OR6N1: variants seen among roughly 807,000 people sequenced by gnomAD.
OR6N1 encodes olfactory receptor 6N1.
For synonymous variants in OR6N1, 170 were observed against 150.7 expected (o/e 1.13, Z -0.94); for missense variants, 394 against 371.7 (o/e 1.06, Z -0.49).
At chr1:158,838,584 G>A in the OR6N1 span, among the ~76,000 whole-genome samples, 1 of 152,016 alleles carries the variant, frequency 6.6e-6, no homozygotes, top group Non-Finnish European at 1.5e-5. Flanking sequence ...GTTTATCATA[G>A]TTGCAGCTTG....
In OR6N1 at chr1:158,765,807, C is replaced by T. The variant is rs777937253; in HGVS notation, c.876G>A (p.Leu292=). Residue 292 remains leucine, a synonymous_variant, in exon 2 of 2, where the codon TTG becomes TTA. Coordinates refer to ENST00000641846, the MANE Select transcript of OR6N1 (RefSeq NM_001005185.2). ...TPFLNPFIYS[L]RNKEIKEAVR... is the part of the protein sequence containing the mutation. ...CAGCCTCCTTGATCTCCTTGTTGCG[C>T]AAGCTGTAGATGAAGGGGTTGAGGA... 1.9e-6 allele frequency: 3 copies of T among 1,614,148 alleles called. No homozygotes were observed. Among genetic ancestry groups the T allele is most frequent in the Non-Finnish European group, 1.7e-6 (2 of 1,180,010 alleles).
chr1:158,780,014 T>C, the OR6N1 span, among the ~76,000 whole-genome samples: 97,897 of 152,034 alleles, frequency 0.64, 32,098 homozygotes, highest in African/African-American at 0.78. Flanking sequence ...ATGTTTTATT[T>C]TAGCCTAAAT....
At chr1:158,832,239 A>G in the OR6N1 span, among the ~76,000 whole-genome samples, 2 of 152,042 alleles carry the variant, frequency 1.3e-5, no homozygotes, top group Admixed American at 6.5e-5. Context: ...TGACTTTTTT[A>G]TGGCTTTGTA....
the OR6N1 span, among the ~76,000 whole-genome samples, chr1:158,791,747 C>A: frequency 6.6e-6 from 1 of 152,250 alleles, no homozygotes; most frequent in Admixed American, 6.5e-5. Context: ...GGATTACAGG[C>A]GTGAGCCACA....
At chr1:158,780,523 A>T in the OR6N1 span, among the ~76,000 whole-genome samples, 1 of 152,222 alleles carries the variant, frequency 6.6e-6, no homozygotes, top group Non-Finnish European at 1.5e-5. Context: ...CATAATGAAG[A>T]TAAGCTGAAA....
chr1:158,776,640 T>G, upstream of OR6N1: 1 of 1,213,228 alleles, frequency 8.2e-7, no homozygotes, highest in South Asian at 1.5e-5. Flanking sequence ...AAGGAACTTT[T>G]ATGAATTGAA....
At chr1:158,797,139 G>A in the OR6N1 span, among the ~76,000 whole-genome samples, 1 of 152,180 alleles carries the variant, frequency 6.6e-6, no homozygotes, top group Admixed American at 6.5e-5. Flanking sequence ...GAGTTTCCCA[G>A]GCTGGGGATG....
At chr1:158,829,984 A>T in the OR6N1 span, among the ~76,000 whole-genome samples, 1 of 152,210 alleles carries the variant, frequency 6.6e-6, no homozygotes, top group Admixed American at 6.5e-5. Context: ...CTATCATGAG[A>T]ACAGCATGGG....
intron 1 of OR6N1, among the ~76,000 whole-genome samples, chr1:158,767,812 A>T (rs1657316732): frequency 6.6e-6 from 1 of 152,172 alleles, no homozygotes; most frequent in Admixed American, 6.5e-5. Flanking sequence ...GGCTATACGC[A>T]TTGCCTTTAA....
chr1:158,829,141 C>A, the OR6N1 span, among the ~76,000 whole-genome samples: 5 of 152,202 alleles, frequency 3.3e-5, no homozygotes, highest in African/African-American at 1.2e-4. Flanking sequence ...CCCTGACACG[C>A]CCTGGAGATA....
At chr1:158,826,402 C>T in the OR6N1 span, among the ~76,000 whole-genome samples, 1 of 151,890 alleles carries the variant, frequency 6.6e-6, no homozygotes, top group African/African-American at 2.4e-5. Context: ...AATGAAAGCT[C>T]GATTTTAATT....
the OR6N1 span, among the ~76,000 whole-genome samples, chr1:158,824,805 C>T: frequency 6.6e-6 from 1 of 152,102 alleles, no homozygotes; most frequent in Non-Finnish European, 1.5e-5. Context: ...ACCCCATATA[C>T]AAAAATCAGT....
chr1:158,768,873 T>C (rs1026778814), intron 1 of OR6N1, among the ~76,000 whole-genome samples: 4 of 152,214 alleles, frequency 2.6e-5, no homozygotes, highest in African/African-American at 9.6e-5. Context: ...GGACTTGTCA[T>C]GTTCTAACCT....
chr1:158,791,442 T>C, the OR6N1 span, among the ~76,000 whole-genome samples: 10 of 152,066 alleles, frequency 6.6e-5, no homozygotes, highest in South Asian at 2.1e-3. Flanking sequence ...TTTGCTGTGA[T>C]CTGAGGAGAT....
At chr1:158,768,965 T>C (rs1657345636) in intron 1 of OR6N1, among the ~76,000 whole-genome samples, 1 of 152,220 alleles carries the variant, frequency 6.6e-6, no homozygotes, top group Admixed American at 6.5e-5. Context: ...CAAAGATTTT[T>C]TTCTTTTCTA....
chr1:158,817,275 C>T, the OR6N1 span, among the ~76,000 whole-genome samples: 1 of 152,160 alleles, frequency 6.6e-6, no homozygotes, highest in Non-Finnish European at 1.5e-5. Context: ...TCTAGTTTGC[C>T]TTAGCTATTT....
chr1:158,839,399 T>C, the OR6N1 span, among the ~76,000 whole-genome samples: 4,024 of 152,252 alleles, frequency 0.026, 182 homozygotes, highest in African/African-American at 0.089. Flanking sequence ...CCTTAGATGT[T>C]CTACTGTATT....
chr1:158,818,632 C>A, the OR6N1 span, among the ~76,000 whole-genome samples: 1 of 152,180 alleles, frequency 6.6e-6, no homozygotes, highest in African/African-American at 2.4e-5. Context: ...GATCAGAAGG[C>A]ATGGGTACCT....
the OR6N1 span, among the ~76,000 whole-genome samples, chr1:158,821,940 G>T: frequency 1.3e-5 from 2 of 152,114 alleles, no homozygotes; most frequent in Admixed American, 1.3e-4. Flanking sequence ...CCAGCATTTG[G>T]TATTGTCAGC....
Sources: allele counts gnomAD v4.1 joint callset (sites outside exome capture counted in the v4.1 genomes callset), GRCh38; gene constraint gnomAD v4.1.1; transcripts MANE v1.5; gene names NCBI Gene and HGNC (gene_info 2026-07-23, HGNC 2026-07-21).